Variants in HERC2 observed in about 807,000 individuals in gnomAD.
HERC2 encodes the protein HECT and RLD domain containing E3 ubiquitin protein ligase 2.
HERC2 carries 102 observed loss-of-function variants against 537.7 expected under a neutral mutation model. The ratio of observed to expected loss-of-function variants is 0.19; its 90% CI spans 0.16 to 0.22. The LOEUF (loss-of-function observed/expected upper bound fraction) is 0.22. HERC2 is among the 10% of genes least tolerant of loss of function. The pLI, the probability that HERC2 is intolerant of heterozygous loss-of-function variation, is 1.00. For missense variants in HERC2, 4,236 were observed against 6,198.2 expected (o/e 0.68, Z 10.63); for synonymous variants, 2,224 against 2,466.2 (o/e 0.90, Z 2.91).
intron 3 of HERC2, among the ~76,000 whole-genome samples, chr15:28,294,868 C>A (rs942680131): frequency 1.3e-5 from 2 of 148,940 alleles, no homozygotes; most frequent in African/African-American, 5.2e-5. Flanking sequence ...CATCCCATAT[C>A]CCTAGGGCAG....
chr15:28,258,128 G>A (rs990680028), intron 16 of HERC2, among the ~76,000 whole-genome samples: 2 of 152,072 alleles, frequency 1.3e-5, no homozygotes, highest in Non-Finnish European at 2.9e-5. Context: ...TAGAAATCAT[G>A]AACAGAACAA....
intron 5 of HERC2, among the ~76,000 whole-genome samples, chr15:28,276,102 CT>C (rs1230806122): frequency 7.2e-6 from 1 of 139,364 alleles, no homozygotes; most frequent in Non-Finnish European, 1.5e-5. Flanking sequence ...AGGACAATCA[CT>C]TAAACCTGGG....
At chr15:28,209,267 G>A (rs1400486375) in intron 44 of HERC2, among the ~76,000 whole-genome samples, 1 of 151,966 alleles carries the variant, frequency 6.6e-6, no homozygotes, top group Admixed American at 6.6e-5. Context: ...AAAATATTCA[G>A]AATAAAACAA....
Position 28,156,320 on chromosome 15 carries a change from G to A in HERC2, c.10747-3490C>T, listed in dbSNP as rs192841898. 4.3e-4 allele frequency among the ~76,000 whole-genome samples: 65 copies of A among 152,294 alleles called. 1 individual carries two copies. Among genetic ancestry groups the A allele is most frequent in the African/African-American group, 1.5e-3 (63 of 41,554 alleles). ...TGAAGAAAGTCATTGGTAGCTTGATGGGGATGGCATTGAATCTATAAATCA... is the reference window on the plus strand; with the variant it reads ...TGAAGAAAGTCATTGGTAGCTTGATAGGGATGGCATTGAATCTATAAATCA... On this transcript the variant is annotated intron_variant, in intron 69 of 92. Coordinates refer to ENST00000261609, the MANE Select transcript of HERC2 (RefSeq NM_004667.6).
Position 28,272,941 on chromosome 15 carries a change from C to T in HERC2, c.864G>A (p.Leu288=). The change falls in exon 8 of 93, where the codon TTG becomes TTA. Residue 288 remains leucine (L), a synonymous_variant. Transcript: ENST00000261609. ...CCAGCTCCAGCAGGATGGCCAGGGC[C>T]AAGTGCTGGTCCTGCAGGGGGATGC... ...PGSIPLQDQH[L]ALAILLELAV... The T allele has an allele frequency of 6.2e-7, 1 of 1,612,386 alleles. No homozygotes were observed. Among genetic ancestry groups the T allele is most frequent in the Admixed American group, 1.7e-5 (1 of 60,024 alleles).
At chr15:28,160,374 G>A (rs1364649269) in intron 69 of HERC2, among the ~76,000 whole-genome samples, 1 of 152,170 alleles carries the variant, frequency 6.6e-6, no homozygotes, top group African/African-American at 2.4e-5. Context: ...GCTGCGGTGG[G>A]CTCCACCCAG....
In HERC2 at chr15:28,168,480, T is replaced by C. The variant is rs374123392; in HGVS notation, c.10340A>G (p.Asn3447Ser). The C allele has an allele frequency of 9.3e-6, 15 of 1,614,110 alleles. No homozygotes were observed. The African/African-American group carries it at 1.2e-4, about 13-fold the overall frequency. Residue 3447 changes from asparagine (N) to serine (S), a missense_variant, in exon 67 of 93, where the codon AAT (asparagine) becomes AGT (serine). Physicochemically the swap from Asn to Ser is conservative, Grantham distance 46 (BLOSUM62 1). Coordinates refer to ENST00000261609, the MANE Select transcript of HERC2 (RefSeq NM_004667.6). Reference protein sequence around the residue: ...SDASAMASPMNGEECMLAVDI... With the variant: ...SDASAMASPMSGEECMLAVDI... ...AACAGCCAGCATGCATTCTTCTCCA[T>C]TCATGGGACTAGCCATCGCAGATGC... is the stretch of plus-strand genomic sequence containing the variant.
intron 69 of HERC2, among the ~76,000 whole-genome samples, chr15:28,157,754 G>A (rs1893161717): frequency 1.3e-5 from 2 of 152,102 alleles, no homozygotes; most frequent in South Asian, 2.1e-4. Context: ...GTTCTGCTCT[G>A]ATCTTAGTTA....
chr15:28,284,919 GAAAAAAAAAAAAAAAAA>G (rs551327935), intron 4 of HERC2, among the ~76,000 whole-genome samples: 3 of 32,544 alleles, frequency 9.2e-5, no homozygotes, highest in South Asian at 2.9e-3. Context: ...CTCCGTCTCG[GAAAAAAAAAAAAAAAAA>G]AAAAAAAAAA....
rs751862121 is a variant in HERC2 at position 28,202,393 on chromosome 15, G to A, written c.7434C>T (p.Ala2478=). 4.3e-6 allele frequency: 7 copies of A among 1,613,274 alleles called. No homozygotes were observed. In the Admixed American group the frequency reaches 1.0e-4, roughly 23 times the overall value. Residue 2478 remains alanine (A), a synonymous_variant, in exon 46 of 93, where the codon GCC becomes GCT. Transcript: ENST00000261609. ...CGGAAGCACCAGTGAGAGACTTCAG[G>A]GCAAACTCGATGTTCCTTCTGGAAA... is the stretch of plus-strand genomic sequence containing the variant. The part of the protein sequence containing the change: ...MGFSRRNIEF[A]LKSLTGASGN...
chr15:28,201,910 A>T (rs944918994), intron 47 of HERC2, among the ~76,000 whole-genome samples: 1 of 152,112 alleles, frequency 6.6e-6, no homozygotes, highest in African/African-American at 2.4e-5. Flanking sequence ...AAAAGTAATT[A>T]TGATATAGAA....
At chr15:28,292,230 C>CAAAAAAAAAAAAAAAAAAAAAAAAAAAA (rs34513876) in intron 4 of HERC2, among the ~76,000 whole-genome samples, 1 of 67,478 alleles carries the variant, frequency 1.5e-5, no homozygotes, top group Non-Finnish European at 2.7e-5. Flanking sequence ...ACTCCATCTC[C>CAAAAAAAAAAAAAAAAAAAAAAAAAAAA]AAAAAAAAAA....
rs200317563 is a variant in HERC2 at position 28,270,244 on chromosome 15, T to TATAGATAG, written c.1257+443_1257+450dup. On this transcript the variant is annotated intron_variant, in intron 10 of 92. Transcript: ENST00000261609. ...ATAGAACCCACTCTTTTTATTTATT[T>TATAGATAG]ATAGATAGATAGATAGATAGATAGA... Among the ~76,000 whole-genome samples the TATAGATAG allele has an allele frequency of 9.2e-4, 139 of 151,256 alleles. 1 individual carries two copies. The highest frequency in any genetic ancestry group is 4.8e-3 in the South Asian group (23 of 4,770).
chr15:28,233,048 A>AATC lies in HERC2; in HGVS notation c.4675+95_4675+97dup, dbSNP rs1437622344. 23 of 844,830 alleles carry AATC rather than the reference A, an allele frequency of 2.7e-5. No individual in the cohort carries two copies. The African/African-American group carries it at 3.2e-4, about 12-fold the overall frequency. The allele number at this position is 844,830 out of a possible 1,614,324, so 52.3% of individuals were successfully genotyped here. On this transcript the variant is annotated intron_variant, in intron 30 of 92. Coordinates refer to ENST00000261609, the MANE Select transcript of HERC2 (RefSeq NM_004667.6). ...GGCAGCAGGTAGAAATGTCACATGG[A>AATC]ATCAACAGTAGAGAAACTTCACTCT... is the stretch of plus-strand genomic sequence containing the variant.
rs1346201029 is a variant in HERC2, at chr15:28,228,231, T to C, written c.5451A>G (p.Ala1817=). 2 of 1,613,414 alleles carry C rather than the reference T, an allele frequency of 1.2e-6. No individual in the cohort carries two copies. The highest frequency in any genetic ancestry group is 1.7e-6 in the Non-Finnish European group (2 of 1,179,816). ...NSGMLALTQT[A]LRLIGPSCDN... ...GTGCAGACCTACCAATCAGGCGCAG[T>C]GCCGTCTGCGTGAGGGCCAGCATGC... Residue 1817 remains alanine, a synonymous_variant, in exon 35 of 93, where the codon GCA becomes GCG. Coordinates refer to ENST00000261609, the MANE Select transcript of HERC2 (RefSeq NM_004667.6).
chr15:28,274,155 A>G, intron 7 of HERC2, 136 bp downstream of exon 7: 3 of 757,896 alleles, frequency 4.0e-6, no homozygotes. Flanking sequence ...ACCCGGAATC[A>G]CAGCACTGAC....
intron 70 of HERC2, among the ~76,000 whole-genome samples, chr15:28,149,367 CGGCTCCT>C (rs1892146071): frequency 1.3e-5 from 2 of 150,514 alleles, no homozygotes; most frequent in African/African-American, 4.9e-5. Context: ...AAAACACACG[CGGCTCCT>C]AACCGAGAAC....
intron 3 of HERC2, among the ~76,000 whole-genome samples, chr15:28,293,411 T>C (rs560913683): frequency 6.8e-6 from 1 of 147,786 alleles, no homozygotes; most frequent in Non-Finnish European, 1.5e-5. Flanking sequence ...GAGAATGGCG[T>C]GAACCCGGGA....
At chr15:28,304,644 G>A (rs2076729653) in intron 2 of HERC2, among the ~76,000 whole-genome samples, 1 of 150,916 alleles carries the variant, frequency 6.6e-6, no homozygotes, top group African/African-American at 2.4e-5. Context: ...GATTACAGGT[G>A]TGAGCCACTG....
Sources: gnomAD v4.1 joint callset for allele counts (sites outside exome capture counted in the v4.1 genomes callset) on GRCh38, gnomAD v4.1.1 for gene constraint, MANE v1.5 for transcripts, NCBI Gene and HGNC (gene_info 2026-07-23, HGNC 2026-07-21) for gene names.